The following CCDC178 variants were observed in gnomAD, a reference collection of about 807,000 sequenced individuals.
CCDC178 encodes the protein coiled-coil domain containing 178.
In CCDC178, 126 loss-of-function variants were observed where a neutral mutation model predicts 117.4. The ratio of observed to expected loss-of-function variants is 1.07; its 90% CI spans 0.93 to 1.24. The LOEUF (loss-of-function observed/expected upper bound fraction) is 1.24, where lower values mean the gene tolerates loss of function less well. Ranked by LOEUF, CCDC178 falls within the 50% of genes most tolerant of loss-of-function variation. The probability of loss-of-function intolerance (pLI) is 0.00; values close to 1 mark genes in which losing one functional copy is unlikely to be tolerated. For missense variants in CCDC178, 1,030 were observed against 986.9 expected, an observed-to-expected ratio of 1.04 and a Z score of -0.59; for synonymous variants, 283 against 313.4, an observed-to-expected ratio of 0.90 and a Z score of 1.02.
intron 20 of CCDC178, among the ~76,000 whole-genome samples, chr18:33,172,139 C>T (rs1369177947): frequency 1.3e-5 from 2 of 152,122 alleles, no homozygotes; most frequent in Non-Finnish European, 2.9e-5. Context: ...CGACGATCCA[C>T]CTGCCTCGGC....
chr18:33,425,020 T>C (rs1005627453), intron 2 of CCDC178, among the ~76,000 whole-genome samples: 3 of 152,182 alleles, frequency 2.0e-5, no homozygotes, highest in Non-Finnish European at 4.4e-5. Flanking sequence ...AGATGACTGA[T>C]TGATAGGGGC....
At chr18:33,317,439 C>T (rs1246838384) in intron 11 of CCDC178, among the ~76,000 whole-genome samples, 3 of 152,182 alleles carry the variant, frequency 2.0e-5, no homozygotes, top group African/African-American at 4.8e-5. Context: ...AGAACTGTAA[C>T]ACTCACCGCA....
chr18:33,416,359 G>A (rs1392655781), intron 2 of CCDC178, among the ~76,000 whole-genome samples: 3 of 152,046 alleles, frequency 2.0e-5, no homozygotes, highest in African/African-American at 7.2e-5. Context: ...CCCAGACGGC[G>A]GAGCTTGCGG....
At chr18:33,253,843 CAT>C (rs1398671814) in intron 14 of CCDC178, among the ~76,000 whole-genome samples, 7 of 151,806 alleles carry the variant, frequency 4.6e-5, no homozygotes, top group Admixed American at 4.6e-4. Context: ...AGGATGGTTT[CAT>C]ACTCAATATC....
At chr18:32,985,167 T>C (rs559013117) in intron 21 of CCDC178, among the ~76,000 whole-genome samples, 48 of 152,120 alleles carry the variant, frequency 3.2e-4, no homozygotes, top group African/African-American at 1.1e-3. Flanking sequence ...ATAGTATATT[T>C]TTACTTTTAA....
In CCDC178 at chr18:33,129,063, C is replaced by A. The variant is rs189518104; in HGVS notation, c.2239-36153G>T. ...TAACTCATATTCAAAAACAATAATA[C>A]TTTCCCCCATAACCAATAGTGGTCA... is the stretch of plus-strand genomic sequence containing the variant. On this transcript the variant is annotated intron_variant, in intron 20 of 22. Transcript: ENST00000383096. Among the ~76,000 whole-genome samples the A allele has an allele frequency of 2.0e-5, 3 of 152,204 alleles. No homozygotes were observed. In the East Asian group the frequency reaches 5.8e-4, roughly 29 times the overall value.
chr18:33,411,800 C>T (rs932507225), intron 3 of CCDC178, among the ~76,000 whole-genome samples: 3 of 152,048 alleles, frequency 2.0e-5, no homozygotes, highest in Non-Finnish European at 4.4e-5. Context: ...ACCTATAACA[C>T]AGTTCATCCA....
chr18:33,275,083 A>G (rs1157281325), intron 12 of CCDC178, among the ~76,000 whole-genome samples: 5 of 152,112 alleles, frequency 3.3e-5, no homozygotes, highest in African/African-American at 1.2e-4. Context: ...TTGCATTAAA[A>G]AGGAAATTTA....
chr18:33,170,760 G>A (rs1462825241), intron 20 of CCDC178, among the ~76,000 whole-genome samples: 4 of 152,086 alleles, frequency 2.6e-5, no homozygotes, highest in African/African-American at 9.7e-5. Context: ...ACTAGCTCAA[G>A]TTTTTCTATC....
At chr18:33,227,016 C>T (rs560625452) in intron 15 of CCDC178, among the ~76,000 whole-genome samples, 161 bp from the exon 16 acceptor site, 158 of 149,038 alleles carry the variant, frequency 1.1e-3, no homozygotes, top group African/African-American at 1.7e-3. Context: ...TGGTGTTTTT[C>T]GAGGTAAAGT....
At chr18:33,428,687 G>A (rs149561916) in intron 2 of CCDC178, among the ~76,000 whole-genome samples, 129 of 128,668 alleles carry the variant, frequency 1.0e-3, no homozygotes, top group African/African-American at 3.7e-3. Flanking sequence ...AGCCAAGATC[G>A]CCCACTTGCA....
At chr18:33,229,910 A>C (rs2059351270) in intron 15 of CCDC178, among the ~76,000 whole-genome samples, 1 of 152,136 alleles carries the variant, frequency 6.6e-6, no homozygotes, top group African/African-American at 2.4e-5. Flanking sequence ...TCCTGGGGAG[A>C]TACTACCTTT....
chr18:33,329,774 A>G (rs1429832229), intron 10 of CCDC178, among the ~76,000 whole-genome samples: 1 of 151,916 alleles, frequency 6.6e-6, no homozygotes, highest in Non-Finnish European at 1.5e-5. Flanking sequence ...TATATTTATC[A>G]GGCTTTAGTA....
At chr18:33,260,997 C>T (rs1277756947) in intron 14 of CCDC178, among the ~76,000 whole-genome samples, 2 of 152,072 alleles carry the variant, frequency 1.3e-5, no homozygotes, top group African/African-American at 2.4e-5. Flanking sequence ...ATTATAATTT[C>T]CGAAGCCTAG....
chr18:33,244,486 T>C (rs2059523848), intron 15 of CCDC178, among the ~76,000 whole-genome samples: 1 of 151,884 alleles, frequency 6.6e-6, no homozygotes, highest in African/African-American at 2.4e-5. Flanking sequence ...CCCATGCTAT[T>C]CTCATGATAG....
chr18:33,111,585 A>T (rs1029217434), intron 20 of CCDC178, among the ~76,000 whole-genome samples: 1 of 151,718 alleles, frequency 6.6e-6, no homozygotes, highest in African/African-American at 2.4e-5. Context: ...ATTGCAAGTT[A>T]TTAATTACCT....
At chr18:32,950,562 T>C (rs1773086633) in intron 22 of CCDC178, among the ~76,000 whole-genome samples, 1 of 152,158 alleles carries the variant, frequency 6.6e-6, no homozygotes, top group Non-Finnish European at 1.5e-5. Flanking sequence ...GTAGTACTTT[T>C]AAAAACATTT....
rs886131836 is a variant in CCDC178 at position 33,249,155 on chromosome 18, T to C, written c.1410-3727A>G. ...TAAATTTGTTTGAGTTCATTGTAGA[T>C]TCTGGATATTAGCCCTTTGTCAGAT... On this transcript the variant is annotated intron_variant, in intron 14 of 22. Transcript: ENST00000383096. Among the ~76,000 whole-genome samples, 28 of 152,138 alleles carry C rather than the reference T, an allele frequency of 1.8e-4. 1 individual carries two copies.
At chr18:33,320,012 T>G (rs1164506582) in intron 11 of CCDC178, among the ~76,000 whole-genome samples, 3 of 152,228 alleles carry the variant, frequency 2.0e-5, no homozygotes, top group Admixed American at 6.5e-5. Context: ...TCTCAATAGA[T>G]GCAGAAAAGG....
Sources: allele counts gnomAD v4.1 joint callset (sites outside exome capture counted in the v4.1 genomes callset), GRCh38; gene constraint gnomAD v4.1.1; transcripts MANE v1.5; gene names NCBI Gene and HGNC (gene_info 2026-07-23, HGNC 2026-07-21).